PRKACB: variants seen among roughly 807,000 people sequenced by gnomAD.
The protein encoded by PRKACB is protein kinase cAMP-activated catalytic subunit beta.
PRKACB carries 16 observed loss-of-function variants against 51.4 expected under a neutral mutation model. That is an observed-to-expected ratio of 0.31 (90% CI 0.21 to 0.47). The LOEUF (loss-of-function observed/expected upper bound fraction) is 0.47, where lower values mean the gene tolerates loss of function less well. Among genes scored for constraint, PRKACB ranks in the 20% least tolerant of loss-of-function variants. PRKACB has a pLI of 1.00. For synonymous variants in PRKACB, 147 were observed against 154.4 expected, an observed-to-expected ratio of 0.95 and a Z score of 0.35; for missense variants, 309 against 464.5, an observed-to-expected ratio of 0.67 and a Z score of 3.08.
At chr1:84,097,852 C>T (rs1557924582) in intron 1 of PRKACB, among the ~76,000 whole-genome samples, 1 of 152,078 alleles carries the variant, frequency 6.6e-6, no homozygotes, top group Non-Finnish European at 1.5e-5. Context: ...TATATTCAGG[C>T]CCTCAATACA....
chr1:84,199,828 A>G (rs1196028165), intron 7 of PRKACB, among the ~76,000 whole-genome samples: 2 of 126,858 alleles, frequency 1.6e-5, no homozygotes, highest in Non-Finnish European at 3.6e-5. Context: ...TTTTTTGACT[A>G]TTTGTTTATT....
intron 8 of PRKACB, among the ~76,000 whole-genome samples, chr1:84,207,923 A>C (rs1671576575): frequency 6.6e-6 from 1 of 152,172 alleles, no homozygotes; most frequent in African/African-American, 2.4e-5. Context: ...GCTGAAGTGC[A>C]GTGGCACAAT....
chr1:84,144,691 T>A, intron 1 of PRKACB, 143 bp downstream of exon 1: 1 of 885,958 alleles, frequency 1.1e-6, no homozygotes, highest in East Asian at 3.1e-5. Context: ...GTTGAAAGAA[T>A]TCCATAAAAA....
At chr1:84,216,893 A>G (rs1204388267) in intron 9 of PRKACB, among the ~76,000 whole-genome samples, 9 of 152,214 alleles carry the variant, frequency 5.9e-5, no homozygotes, top group Non-Finnish European at 1.3e-4. Flanking sequence ...CCAAACCACT[A>G]AACAATAAAT....
intron 4 of PRKACB, among the ~76,000 whole-genome samples, 185 bp from the exon 5 acceptor site, chr1:84,184,915 A>G (rs1028172849): frequency 2.0e-5 from 3 of 151,922 alleles, no homozygotes; most frequent in African/African-American, 7.2e-5. Context: ...GGCAAAAATA[A>G]CTAGGAGGGG....
intron 1 of PRKACB, among the ~76,000 whole-genome samples, chr1:84,080,471 A>G (rs1446289204): frequency 1.3e-5 from 2 of 152,204 alleles, no homozygotes; most frequent in African/African-American, 2.4e-5. Flanking sequence ...GAAGGTCATT[A>G]TAGTAGTTTA....
chr1:84,114,259 A>G (rs77818728), intron 1 of PRKACB, among the ~76,000 whole-genome samples: 1 of 152,212 alleles, frequency 6.6e-6, no homozygotes, highest in Non-Finnish European at 1.5e-5. Context: ...AGTAATTTTC[A>G]AAATATGTAG....
intron 1 of PRKACB, among the ~76,000 whole-genome samples, chr1:84,091,166 T>C (rs1648438475): frequency 1.3e-5 from 2 of 152,156 alleles, no homozygotes; most frequent in African/African-American, 4.8e-5. Context: ...GTAATTTTAA[T>C]GTGTCTTGGG....
chr1:84,165,631 C>A (rs981892632), intron 1 of PRKACB, among the ~76,000 whole-genome samples: 13 of 151,462 alleles, frequency 8.6e-5, no homozygotes, highest in African/African-American at 3.1e-4. Flanking sequence ...GACAACTAGT[C>A]TTTTTTGTTA....
intron 8 of PRKACB, among the ~76,000 whole-genome samples, chr1:84,206,010 A>G (rs568743116): frequency 6.6e-6 from 1 of 152,156 alleles, no homozygotes; most frequent in Admixed American, 6.6e-5. Context: ...AGAATCAGTT[A>G]TGGTCTCTAT....
At chr1:84,177,473 G>T (rs976445170) in intron 1 of PRKACB, among the ~76,000 whole-genome samples, 2 of 152,032 alleles carry the variant, frequency 1.3e-5, no homozygotes, top group African/African-American at 4.8e-5. Context: ...GGACACAGTG[G>T]CTCACACCTC....
chr1:84,108,787 A>G (rs1171472311), intron 1 of PRKACB, among the ~76,000 whole-genome samples: 1 of 151,998 alleles, frequency 6.6e-6, no homozygotes, highest in Non-Finnish European at 1.5e-5. Context: ...ATATATTCTG[A>G]CAAAATTTGC....
chr1:84,173,281 A>T, intron 1 of PRKACB: 1 of 1,452,638 alleles, frequency 6.9e-7, no homozygotes, highest in Non-Finnish European at 9.5e-7. Flanking sequence ...TCTTGTAGGT[A>T]TGTTATTTTA....
chr1:84,222,281 G>A (rs1362528715), intron 9 of PRKACB, among the ~76,000 whole-genome samples: 1 of 151,804 alleles, frequency 6.6e-6, no homozygotes, highest in Admixed American at 6.6e-5. Flanking sequence ...ATCTTTTTCT[G>A]TCTCTTCACT....
At chr1:84,103,312 A>G (rs1649491876) in intron 1 of PRKACB, among the ~76,000 whole-genome samples, 1 of 151,570 alleles carries the variant, frequency 6.6e-6, no homozygotes, top group Non-Finnish European at 1.5e-5. Context: ...TACAGGGTTG[A>G]GGCTCTGTCC....
rs932243799 is a variant in PRKACB, at chr1:84,235,975, A to G, written c.*670A>G. 1 of 152,582 alleles carries G rather than the reference A, an allele frequency of 6.6e-6. No homozygotes were observed. The highest frequency in any genetic ancestry group is 1.5e-5 in the Non-Finnish European group (1 of 68,044). The allele number at this position is 152,582 out of a possible 1,614,324, so 9.5% of individuals were successfully genotyped here. A position where few individuals can be genotyped will look rare whatever the true frequency, so the allele number is the denominator to read the frequency against. ...TCTAGTTCCCTTTCCCTCCTTTTAT[A>G]TCCTCCTCTCCTTGAGTAATGAAGT... On this transcript the variant is annotated 3_prime_UTR_variant, in exon 10 of 10. Transcript: ENST00000370685.
chr1:84,161,464 A>G (rs1181985564), intron 1 of PRKACB, among the ~76,000 whole-genome samples: 1 of 151,714 alleles, frequency 6.6e-6, no homozygotes, highest in Non-Finnish European at 1.5e-5. Context: ...AGTTAATGTC[A>G]CTATTGATAT....
intron 9 of PRKACB, among the ~76,000 whole-genome samples, chr1:84,226,291 C>G (rs539037036): frequency 7.8e-6 from 1 of 128,432 alleles, no homozygotes; most frequent in Non-Finnish European, 1.7e-5. Context: ...TTTTTGGTCT[C>G]TCTAAAGATT....
Position 84,236,707 on chromosome 1 carries a change from C to T in PRKACB, c.*1402C>T, listed in dbSNP as rs1676691291. On this transcript the variant is annotated 3_prime_UTR_variant, in exon 10 of 10. Coordinates refer to ENST00000370685, the MANE Select transcript of PRKACB (RefSeq NM_182948.4). ...TGCTGTCAGGTGGAAATTTCAAGCA[C>T]TTTTGCACATTTAGTTCAGTGTTTG... 1 of 152,560 alleles carries T rather than the reference C, an allele frequency of 6.6e-6. No individual in the cohort carries two copies. The highest frequency in any genetic ancestry group is 1.5e-5 in the Non-Finnish European group (1 of 67,994). The allele number at this position is 152,560 out of a possible 1,614,324, so 9.5% of individuals were successfully genotyped here.
Sources: allele counts gnomAD v4.1 joint callset (sites outside exome capture counted in the v4.1 genomes callset), GRCh38; gene constraint gnomAD v4.1.1; transcripts MANE v1.5; gene names NCBI Gene and HGNC (gene_info 2026-07-23, HGNC 2026-07-21).